Variants in GNG7 observed in about 807,000 individuals in gnomAD.
GNG7 encodes G protein subunit gamma 7.
In GNG7, 1 loss-of-function variant was observed where a neutral mutation model predicts 4.0. The observed-to-expected ratio is 0.25, with a 90% CI of 0.09 to 1.18. The LOEUF (loss-of-function observed/expected upper bound fraction) is 1.18. Ranked by LOEUF, GNG7 falls within the 50% of genes most tolerant of loss-of-function variation. The pLI is 0.50. For missense variants in GNG7, 86 were observed against 91.9 expected, an observed-to-expected ratio of 0.94 and a Z score of 0.26; for synonymous variants, 34 against 36.9, an observed-to-expected ratio of 0.92 and a Z score of 0.29.
chr19:2,515,712 C>T (rs1972725755), intron 4 of GNG7, among the ~76,000 whole-genome samples: 1 of 151,842 alleles, frequency 6.6e-6, no homozygotes, highest in Non-Finnish European at 1.5e-5. Flanking sequence ...AGGTGTGAGC[C>T]ACTGCGCCCG....
chr19:2,598,652 G>A (rs4807305), intron 2 of GNG7, among the ~76,000 whole-genome samples: 25,805 of 148,440 alleles, frequency 0.17, 5,091 homozygotes, highest in African/African-American at 0.45. Flanking sequence ...GCGAGACTCC[G>A]TCTCAAAAAA....
intron 2 of GNG7, among the ~76,000 whole-genome samples, chr19:2,627,134 A>C (rs924134242): frequency 1.3e-5 from 2 of 152,058 alleles, no homozygotes; most frequent in Non-Finnish European, 2.9e-5. Context: ...GGGATGCAGA[A>C]TCTCTTGGGG....
intron 2 of GNG7, among the ~76,000 whole-genome samples, chr19:2,589,665 C>T (rs906478030): frequency 6.6e-6 from 1 of 152,080 alleles, no homozygotes; most frequent in Admixed American, 6.6e-5. Context: ...CTTGATTTAG[C>T]TCTTTTAGGC....
intron 2 of GNG7, among the ~76,000 whole-genome samples, chr19:2,640,111 GGGAGGGAGGGGA>G (rs1161645920): frequency 7.1e-5 from 8 of 112,208 alleles, no homozygotes; most frequent in Non-Finnish European, 1.5e-4. Flanking sequence ...GAGGGAAGGA[GGGAGGGAGGGGA>G]GGAGGGAGGG....
chr19:2,695,530 G>A (rs891179652), intron 1 of GNG7, among the ~76,000 whole-genome samples: 6 of 152,222 alleles, frequency 3.9e-5, no homozygotes, highest in African/African-American at 7.2e-5. Context: ...AGGAAGGAGC[G>A]TTTCAGACAA....
chr19:2,606,950 G>A (rs62123716), intron 2 of GNG7, among the ~76,000 whole-genome samples: 29,701 of 151,958 alleles, frequency 0.2, 3,525 homozygotes, highest in Non-Finnish European at 0.28. Flanking sequence ...GCCGGGCACC[G>A]TGGCTCATGC....
At chr19:2,692,527 C>T (rs949813495) in intron 1 of GNG7, among the ~76,000 whole-genome samples, 3 of 150,996 alleles carry the variant, frequency 2.0e-5, no homozygotes, top group African/African-American at 4.9e-5. Context: ...CCCAGCTACT[C>T]GGGAGGCTGA....
chr19:2,511,819 C>T lies in GNG7; in HGVS notation c.*3203G>A. 1 of 986,268 alleles carries T rather than the reference C, an allele frequency of 1.0e-6. No homozygotes were observed. The highest frequency in any genetic ancestry group is 4.7e-5 in the South Asian group (1 of 21,296). The allele number at this position is 986,268 out of a possible 1,614,324, so 61.1% of individuals were successfully genotyped here. A position where few individuals can be genotyped will look rare whatever the true frequency, so the allele number is the denominator to read the frequency against. ...CCAGAGGCCAGAGGTCGCAGCTGAG[C>T]TATCTGTGCTTGGCCTGGGGTTACC... On this transcript the variant is annotated 3_prime_UTR_variant, in exon 5 of 5. Transcript: ENST00000382159. The surrounding 1 kb of genome is among the most constrained non-coding windows in gnomAD (Gnocchi z 6.3).
At chr19:2,543,379 C>G (rs1181161214) in intron 3 of GNG7, among the ~76,000 whole-genome samples, 1 of 152,078 alleles carries the variant, frequency 6.6e-6, no homozygotes, top group Non-Finnish European at 1.5e-5. Flanking sequence ...CACCACCATG[C>G]CCGGCTAATT....
chr19:2,553,681 T>G (rs1478353638), intron 3 of GNG7, among the ~76,000 whole-genome samples: 3 of 141,076 alleles, frequency 2.1e-5, no homozygotes, highest in Non-Finnish European at 1.6e-5. Flanking sequence ...TGTAATATGT[T>G]ATATTACACA....
intron 3 of GNG7, among the ~76,000 whole-genome samples, chr19:2,537,271 G>A (rs943026673): frequency 1.3e-5 from 2 of 149,032 alleles, no homozygotes; most frequent in Admixed American, 6.7e-5. Flanking sequence ...TTAGAGCCAG[G>A]TTCTCACTCT....
chr19:2,550,695 C>T (rs1243784070), intron 3 of GNG7, among the ~76,000 whole-genome samples: 2 of 152,166 alleles, frequency 1.3e-5, no homozygotes, highest in East Asian at 1.9e-4. Flanking sequence ...CAATCCCGCT[C>T]TGCCTCTGGC....
At chr19:2,686,425 T>G (rs1983872808) in intron 1 of GNG7, among the ~76,000 whole-genome samples, 1 of 152,144 alleles carries the variant, frequency 6.6e-6, no homozygotes, top group Non-Finnish European at 1.5e-5. Flanking sequence ...CCCAAAGTGC[T>G]GGGATTATAG....
At chr19:2,561,298 A>G (rs1979733995) in intron 2 of GNG7, among the ~76,000 whole-genome samples, 1 of 152,106 alleles carries the variant, frequency 6.6e-6, no homozygotes, top group Non-Finnish European at 1.5e-5. Context: ...TGCTCCTGGA[A>G]TGGAGTGGGT....
At chr19:2,602,218 T>C (rs1000094288) in intron 2 of GNG7, among the ~76,000 whole-genome samples, 1 of 152,144 alleles carries the variant, frequency 6.6e-6, no homozygotes, top group Non-Finnish European at 1.5e-5. Flanking sequence ...ACGCCTGTAA[T>C]CTCAGCTACT....
chr19:2,568,819 TACAC>T (rs1198867374), intron 2 of GNG7, among the ~76,000 whole-genome samples: 2 of 151,166 alleles, frequency 1.3e-5, no homozygotes, highest in African/African-American at 2.4e-5. Flanking sequence ...CACACACATA[TACAC>T]ACAAATATAT....
intron 2 of GNG7, among the ~76,000 whole-genome samples, chr19:2,615,590 G>A (rs558357035): frequency 6.6e-6 from 1 of 150,730 alleles, no homozygotes; most frequent in South Asian, 2.1e-4. Context: ...AGCCTCCAGA[G>A]TAGCTGGAAC....
intron 1 of GNG7, among the ~76,000 whole-genome samples, chr19:2,673,702 A>G (rs938703761): frequency 4.6e-5 from 7 of 151,934 alleles, no homozygotes; most frequent in African/African-American, 1.4e-4. Context: ...TAAAAAAAAA[A>G]AAAAAGAAAG....
intron 3 of GNG7, among the ~76,000 whole-genome samples, chr19:2,550,072 C>T (rs1599384948): frequency 6.6e-6 from 1 of 152,320 alleles, no homozygotes; most frequent in Non-Finnish European, 1.5e-5. Context: ...AATGTGGCTG[C>T]CTTGGGTCTG....
Sources: gnomAD v4.1 joint callset for allele counts (sites outside exome capture counted in the v4.1 genomes callset) on GRCh38, gnomAD v4.1.1 for gene constraint, Gnocchi (gnomAD v3.1) non-coding constraint, MANE v1.5 for transcripts, NCBI Gene and HGNC (gene_info 2026-07-23, HGNC 2026-07-21) for gene names.